SMC5: variants seen among roughly 807,000 people sequenced by gnomAD.
The protein encoded by SMC5 is structural maintenance of chromosomes 5.
In SMC5, 88 loss-of-function variants were observed where a neutral mutation model predicts 148.3. That is an observed-to-expected ratio of 0.59 (90% CI 0.50 to 0.71). The LOEUF (loss-of-function observed/expected upper bound fraction) is 0.71, where lower values mean the gene tolerates loss of function less well. Ranked by LOEUF, SMC5 falls within the 30% of genes least tolerant of loss-of-function variation. The probability of loss-of-function intolerance (pLI) is 0.00; values close to 1 mark genes in which losing one functional copy is unlikely to be tolerated. For synonymous variants in SMC5, 421 were observed against 432.8 expected (o/e 0.97, Z 0.34); for missense variants, 1,142 against 1,298.9 (o/e 0.88, Z 1.86).
At chr9:70,268,417 G>C in intron 3 of SMC5, among the ~76,000 whole-genome samples, 1 of 152,040 alleles carries the variant, frequency 6.6e-6, no homozygotes. Flanking sequence ...CTGCACTCCA[G>C]CCTGGGAGAC....
chr9:70,350,426 T>C lies in SMC5; in HGVS notation c.3120T>C (p.Thr1040=). 1.2e-6 allele frequency: 2 copies of C among 1,604,534 alleles called. No individual in the cohort carries two copies. Among genetic ancestry groups the C allele is most frequent in the East Asian group, 2.2e-5 (1 of 44,616 alleles). The change falls in exon 24 of 25, where the codon ACT becomes ACC. Residue 1040 remains threonine, a synonymous_variant. Coordinates refer to ENST00000361138, the MANE Select transcript of SMC5 (RefSeq NM_015110.4). ...ERRVFEMVVN[T]ACKENTSQYF... ...GAGTGTTTGAAATGGTTGTAAATAC[T>C]GCCTGTAAAGAAAATACATCTCAAT...
At position 70,298,151 on chromosome 9, in the gene SMC5, A is replaced by G; in HGVS notation, c.1239A>G (p.Glu413=). 1 of 1,614,088 alleles carries G rather than the reference A, an allele frequency of 6.2e-7. No homozygotes were observed. The highest frequency in any genetic ancestry group is 8.5e-7 in the Non-Finnish European group (1 of 1,179,948). ...ATGATCTGAGACGGATTCAGGATGA[A>G]AAGGCATTATGTGAAGGCGAAATAA... ...ITNDLRRIQD[E]KALCEGEIID... is the part of the protein sequence containing the mutation. The change falls in exon 9 of 25, where the codon GAA becomes GAG. Residue 413 remains glutamate (E), a synonymous_variant. Transcript: ENST00000361138.
chr9:70,328,204 T>C (rs1369866733), intron 17 of SMC5, among the ~76,000 whole-genome samples: 3 of 152,130 alleles, frequency 2.0e-5, no homozygotes, highest in East Asian at 1.9e-4. Flanking sequence ...GTCCTTTTCA[T>C]ATTTCAGAAC....
intron 15 of SMC5, among the ~76,000 whole-genome samples, chr9:70,321,310 A>G (rs1376365960): frequency 2.6e-5 from 4 of 152,110 alleles, no homozygotes; most frequent in Non-Finnish European, 4.4e-5. Flanking sequence ...CCTTGTGACA[A>G]TTAGAATTAT....
chr9:70,318,271 C>A (rs569241722), intron 13 of SMC5, among the ~76,000 whole-genome samples: 1 of 151,862 alleles, frequency 6.6e-6, no homozygotes, highest in African/African-American at 2.4e-5. Flanking sequence ...GCCTGTAGTC[C>A]CATCTACTCA....
intron 3 of SMC5, among the ~76,000 whole-genome samples, chr9:70,275,354 C>T (rs1027163625): frequency 4.6e-5 from 7 of 151,928 alleles, no homozygotes; most frequent in African/African-American, 1.7e-4. Flanking sequence ...CCACCAGGCC[C>T]AGCTTTTTAA....
Position 70,318,671 on chromosome 9 carries a change from TAGA to T in SMC5, c.1969_1971del (p.Glu657del). On this transcript the variant is annotated inframe_deletion, in exon 14 of 25. Coordinates refer to ENST00000361138, the MANE Select transcript of SMC5 (RefSeq NM_015110.4). ...GTGGACCTAGAGCAGAGAAGACACT[TAGA>T]AGAACAGCTAAAGGTTGGTTAATTT... The T allele has an allele frequency of 6.2e-7, 1 of 1,600,090 alleles. No individual in the cohort carries two copies. Among genetic ancestry groups the T allele is most frequent in the South Asian group, 1.1e-5 (1 of 87,410 alleles).
At chr9:70,348,555 G>T (rs2036726741) in intron 22 of SMC5, among the ~76,000 whole-genome samples, 1 of 151,596 alleles carries the variant, frequency 6.6e-6, no homozygotes. Flanking sequence ...GCTGGGTGCG[G>T]TGGTATGTAC....
intron 1 of SMC5, among the ~76,000 whole-genome samples, chr9:70,261,662 T>C (rs1279270087): frequency 2.0e-5 from 3 of 152,116 alleles, no homozygotes; most frequent in African/African-American, 7.2e-5. Flanking sequence ...TACAGGTGAT[T>C]GATGAAGTTG....
chr9:70,346,548 T>G, intron 18 of SMC5, 57 bp from the exon 19 acceptor site: 2 of 1,569,194 alleles, frequency 1.3e-6, no homozygotes, highest in East Asian at 2.2e-5. Context: ...TATAAAGTTC[T>G]AACTTCTTGC....
In SMC5 at chr9:70,314,364, C is replaced by G. The variant is rs149660939; in HGVS notation, c.1579-378C>G. Among the ~76,000 whole-genome samples the G allele has an allele frequency of 4.0e-4, 61 of 152,192 alleles. 1 individual carries two copies. The highest frequency in any genetic ancestry group is 1.4e-3 in the African/African-American group (58 of 41,514). On this transcript the variant is annotated intron_variant, in intron 11 of 24. Coordinates refer to ENST00000361138, the MANE Select transcript of SMC5 (RefSeq NM_015110.4). ...TTCTTTCTTTTGTCCATCTCCAGTG[C>G]CTTAAGATAATTGTTTTTAAAATTT...
intron 11 of SMC5, chr9:70,311,636 G>T (rs997163033): frequency 6.7e-6 from 1 of 150,016 alleles, no homozygotes; most frequent in African/African-American, 2.5e-5. Context: ...GCAGTGGGGG[G>T]TTGTATACCA....
chr9:70,304,178 T>A lies in SMC5; in HGVS notation c.1465-1069T>A, dbSNP rs571275568. ...ATCATACCTCACTGTAACTTCAAAC[T>A]CCTGGGCTTAAGCGATATTCCCACC... On this transcript the variant is annotated intron_variant, in intron 10 of 24. Coordinates refer to ENST00000361138, the MANE Select transcript of SMC5 (RefSeq NM_015110.4). 1.4e-4 allele frequency among the ~76,000 whole-genome samples: 22 copies of A among 152,288 alleles called. No homozygotes were observed. In the South Asian group the frequency reaches 3.9e-3, roughly 27 times the overall value.
At chr9:70,350,522 A>G (rs1536957) in intron 24 of SMC5, 51 bp downstream of exon 24, 1,252,080 of 1,255,230 alleles carry the variant, frequency 1, 624,523 homozygotes, top group East Asian at 1. Flanking sequence ...ATCTCCTGTG[A>G]CATAATCATA....
At chr9:70,288,071 A>T (rs2034958562) in intron 8 of SMC5, among the ~76,000 whole-genome samples, 1 of 152,142 alleles carries the variant, frequency 6.6e-6, no homozygotes, top group African/African-American at 2.4e-5. Context: ...AGGCAGAAAA[A>T]GACATAAAAC....
chr9:70,347,467 A>G, intron 20 of SMC5, 146 bp from the exon 21 acceptor site: 1 of 538,104 alleles, frequency 1.9e-6, no homozygotes, highest in Non-Finnish European at 3.3e-6. Context: ...TGTCACTTTC[A>G]GTATGTAATA....
intron 5 of SMC5, among the ~76,000 whole-genome samples, chr9:70,280,527 A>C (rs890189937): frequency 1.3e-5 from 2 of 152,212 alleles, no homozygotes; most frequent in East Asian, 3.8e-4. Context: ...GGACTAATAA[A>C]TTGTAGACCC....
intron 17 of SMC5, among the ~76,000 whole-genome samples, chr9:70,331,381 T>G (rs2036214326): frequency 6.6e-6 from 1 of 151,974 alleles, no homozygotes; most frequent in South Asian, 2.1e-4. Context: ...TTGATTCTGA[T>G]TTAAACAAAT....
intron 11 of SMC5, among the ~76,000 whole-genome samples, chr9:70,307,853 A>G (rs1252560434): frequency 6.6e-6 from 1 of 152,094 alleles, no homozygotes; most frequent in East Asian, 1.9e-4. Flanking sequence ...GGCCAGTGAG[A>G]CCATTTTCAG....
Sources: gnomAD v4.1 joint callset for allele counts (sites outside exome capture counted in the v4.1 genomes callset) on GRCh38, gnomAD v4.1.1 for gene constraint, MANE v1.5 for transcripts, NCBI Gene and HGNC (gene_info 2026-07-23, HGNC 2026-07-21) for gene names.